Variants in MYCBPAP observed in about 807,000 individuals in gnomAD.
MYCBPAP encodes the protein MYCBP-associated protein.
Under a neutral mutation model 106.1 loss-of-function variants are expected in MYCBPAP, and 60 were observed. The ratio of observed to expected loss-of-function variants is 0.57; its 90% confidence interval spans 0.46 to 0.70. MYCBPAP has a LOEUF of 0.70. Among genes scored for constraint, MYCBPAP ranks in the 30% least tolerant of loss-of-function variants. The probability of loss-of-function intolerance (pLI) is 0.00; values close to 1 mark genes in which losing one functional copy is unlikely to be tolerated. For missense variants in MYCBPAP, 1,064 were observed against 1,169.3 expected (o/e 0.91, Z 1.31); for synonymous variants, 407 against 440.6 (o/e 0.92, Z 0.95).
At chr17:50,528,391 T>C (rs1310846370) in intron 16 of MYCBPAP, 121 bp downstream of exon 16, 1 of 924,066 alleles carries the variant, frequency 1.1e-6, no homozygotes, top group Non-Finnish European at 1.7e-6. Flanking sequence ...GTTGAGCCCA[T>C]GGAGTAGGCC....
chr17:50,515,259 A>G (rs2034007362), intron 1 of MYCBPAP, among the ~76,000 whole-genome samples: 1 of 143,426 alleles, frequency 7.0e-6, no homozygotes, highest in South Asian at 2.2e-4. Context: ...CCCCCCCACC[A>G]TGTTCCTGTA....
Position 50,516,179 on chromosome 17 carries a change from G to A in MYCBPAP, c.77-391G>A, listed in dbSNP as rs188324038. The A allele has an allele frequency of 7.8e-4, 125 of 159,582 alleles. 1 individual carries two copies. The highest frequency in any genetic ancestry group is 2.7e-3 in the African/African-American group (111 of 41,470). 9.9% of individuals were successfully genotyped at this position (159,582 alleles called of 1,614,324 possible). ...TAATTTTTGTATTTTTAGTAGGGAC[G>A]GGGTTTCACCATGTTGGCCAGGTTG... On this transcript the variant is annotated intron_variant, in intron 1 of 18. Coordinates refer to ENST00000323776, the MANE Select transcript of MYCBPAP (RefSeq NM_032133.6).
At chr17:50,522,709 A>AAAAAAAAAAAAAAAAAAAAATAT in intron 10 of MYCBPAP, 1 of 50,016 alleles carries the variant, frequency 2.0e-5, no homozygotes, top group Admixed American at 2.0e-4. Flanking sequence ...AAAAAAAAAA[A>AAAAAAAAAAAAAAAAAAAAATAT]ATATATATAT....
At chr17:50,528,384 G>A in intron 16 of MYCBPAP, 114 bp downstream of exon 16, 1 of 967,760 alleles carries the variant, frequency 1.0e-6, no homozygotes. Context: ...CTGCTAGGTT[G>A]AGCCCATGGA....
In MYCBPAP at chr17:50,516,697, G is replaced by A; in HGVS notation, c.204G>A (p.Glu68=). The change falls in exon 2 of 19, where the codon GAG becomes GAA. Residue 68 remains glutamate (E), a splice_region_variant and synonymous_variant. Coordinates refer to ENST00000323776, the MANE Select transcript of MYCBPAP (RefSeq NM_032133.6). ...ALAIKKEDLK[E]QHIPRLTEKE... ...CCATTAAGAAGGAAGACTTGAAGGA[G>A]GTGAGGATGAAGCCCAAGCTTCCCT... 6.2e-7 allele frequency: 1 copy of A among 1,613,820 alleles called. No homozygotes were observed. Among genetic ancestry groups the A allele is most frequent in the Non-Finnish European group, 8.5e-7 (1 of 1,179,872 alleles).
At chr17:50,514,950 G>A (rs1007807916) in intron 1 of MYCBPAP, 6 of 446,410 alleles carry the variant, frequency 1.3e-5, no homozygotes, top group African/African-American at 6.0e-5. Flanking sequence ...TGCCCATGGG[G>A]TAAGCCTTCA....
At chr17:50,514,802 C>A in intron 1 of MYCBPAP, 1 of 323,048 alleles carries the variant, frequency 3.1e-6, no homozygotes, top group South Asian at 2.4e-5. Context: ...GGACTACAGG[C>A]ATGTACTACC....
chr17:50,522,078 C>G lies in MYCBPAP; in HGVS notation c.1254C>G (p.Asp418Glu), dbSNP rs76097120. Residue 418 changes from aspartate (D) to glutamate (E), a missense_variant, in exon 10 of 19, where the codon GAC becomes GAG. Physicochemically the swap from Asp to Glu is conservative, Grantham distance 45 (BLOSUM62 2). Coordinates refer to ENST00000323776, the MANE Select transcript of MYCBPAP (RefSeq NM_032133.6). ...GGATCAGAGGCAGTAATCCACAGGACAAGGTAAAACAGCCTCCACCACACC... is the reference window on the plus strand; with the variant it reads ...GGATCAGAGGCAGTAATCCACAGGAGAAGGTAAAACAGCCTCCACCACACC... ...ACWIRGSNPQ[D>E]KRQVGIAAHL... 3.1e-6 allele frequency: 5 copies of G among 1,613,380 alleles called. No individual in the cohort carries two copies. The highest frequency in any genetic ancestry group is 3.4e-6 in the Non-Finnish European group (4 of 1,179,520).
intron 14 of MYCBPAP, among the ~76,000 whole-genome samples, chr17:50,527,017 G>A (rs189697215): frequency 3.9e-5 from 6 of 152,348 alleles, no homozygotes; most frequent in Admixed American, 2.0e-4. Context: ...GCCCAGCTGG[G>A]TTACCTGTTT....
intron 7 of MYCBPAP, 177 bp downstream of exon 7, chr17:50,519,964 T>C: frequency 1.6e-6 from 1 of 625,678 alleles, no homozygotes. Flanking sequence ...CTCTTCTTTT[T>C]CTTCAGTAAA....
chr17:50,524,737 T>TGTGTGTGTGTGTGTGTGA (rs373928628), intron 12 of MYCBPAP, 140 bp from the exon 13 acceptor site: 10,726 of 459,312 alleles, frequency 0.023, 124 homozygotes, highest in Non-Finnish European at 0.028. Context: ...TGTGTGTGTG[T>TGTGTGTGTGTGTGTGTGA]GAGAGAGAGA....
intron 1 of MYCBPAP, chr17:50,509,195 G>A (rs1319668622): frequency 1.4e-6 from 1 of 701,194 alleles, no homozygotes; most frequent in Non-Finnish European, 2.6e-6. Flanking sequence ...TTTGGTAGAG[G>A]AGGGTCGGGG....
In MYCBPAP at chr17:50,523,746, AC is replaced by A; in HGVS notation, c.1600del (p.Gln534ArgfsTer15). ...LQVNLHAVSL[T>X]QDVFEDERKV... ...GGTCAATCTCCACGCGGTCTCCCTG[AC>A]CCAGGACGTTTTTGAGGATGAGAGG... On this transcript the variant is annotated frameshift_variant, in exon 12 of 19. Coordinates refer to ENST00000323776, the MANE Select transcript of MYCBPAP (RefSeq NM_032133.6). LOFTEE classifies it high-confidence loss of function. 6.2e-7 allele frequency: 1 copy of A among 1,614,072 alleles called. No individual in the cohort carries two copies. Among genetic ancestry groups the A allele is most frequent in the Non-Finnish European group, 8.5e-7 (1 of 1,179,974 alleles).
At chr17:50,519,933 G>A (rs1265439962) in intron 7 of MYCBPAP, 146 bp downstream of exon 7, 7 of 853,648 alleles carry the variant, frequency 8.2e-6, no homozygotes, top group Non-Finnish European at 1.2e-5. Context: ...AAGTCCCAGA[G>A]TCTTCCTGAA....
upstream of MYCBPAP, among the ~76,000 whole-genome samples, chr17:50,508,062 C>A (rs1357747201): frequency 1.3e-5 from 2 of 152,106 alleles, no homozygotes; most frequent in African/African-American, 4.8e-5. Flanking sequence ...CGCGTTGGTG[C>A]GAGTTGGGGA....
In MYCBPAP at chr17:50,518,716, C is replaced by T. The variant is rs2034145710; in HGVS notation, c.644C>T (p.Ala215Val). The change falls in exon 5 of 19, where the codon GCC (alanine) becomes GTC (valine). Residue 215 changes from alanine (A) to valine (V), a missense_variant. Physicochemically the swap from Ala to Val is moderately conservative, Grantham distance 64. Coordinates refer to ENST00000323776, the MANE Select transcript of MYCBPAP (RefSeq NM_032133.6). ...NTALRKKQQEALSEHLKKPVS... is the reference protein window; with the variant it reads ...NTALRKKQQEVLSEHLKKPVS... Reference sequence around the variant, plus strand: ...GCCCTGCGGAAGAAGCAGCAGGAAGCCCTCAGCGGTGAGCAGAGCAGACAG... The same window carrying T: ...GCCCTGCGGAAGAAGCAGCAGGAAGTCCTCAGCGGTGAGCAGAGCAGACAG... 4.4e-6 allele frequency: 7 copies of T among 1,582,660 alleles called. No homozygotes were observed. In the East Asian group the frequency reaches 8.9e-5, roughly 20 times the overall value.
At position 50,525,924 on chromosome 17, in the gene MYCBPAP, G is replaced by T; in HGVS notation, c.1826G>T (p.Trp609Leu). The T allele has an allele frequency of 1.2e-6, 2 of 1,612,982 alleles. No homozygotes were observed. Among genetic ancestry groups the T allele is most frequent in the Non-Finnish European group, 1.7e-6 (2 of 1,179,888 alleles). Reference sequence around the variant, plus strand: ...GTGGTGCAAAGCCTGCACCAACTGTGGCGCCAGTACATGACCCTGCCCGCC... The same window carrying T: ...GTGGTGCAAAGCCTGCACCAACTGTTGCGCCAGTACATGACCCTGCCCGCC... ...HQVVQSLHQL[W>L]RQYMTLPAKA... The change falls in exon 14 of 19, where the codon TGG (tryptophan) becomes TTG (leucine). Residue 609 changes from tryptophan to leucine, a missense_variant. Physicochemically the swap from Trp to Leu is moderately conservative, Grantham distance 61. Coordinates refer to ENST00000323776, the MANE Select transcript of MYCBPAP (RefSeq NM_032133.6).
intron 1 of MYCBPAP, among the ~76,000 whole-genome samples, chr17:50,511,801 C>T (rs1169869317): frequency 1.3e-5 from 2 of 152,192 alleles, no homozygotes; most frequent in Non-Finnish European, 2.9e-5. Context: ...CATACCTCAG[C>T]CCTGTGGAGT....
At chr17:50,521,275 G>A (rs370201071) in intron 8 of MYCBPAP, 41 bp from the exon 9 acceptor site, 4 of 1,594,098 alleles carry the variant, frequency 2.5e-6, no homozygotes, top group East Asian at 2.3e-5. Context: ...GGCGATGCCT[G>A]TCTTCAGTCA....
Sources: gnomAD v4.1 joint callset for allele counts (sites outside exome capture counted in the v4.1 genomes callset) on GRCh38, gnomAD v4.1.1 for gene constraint, MANE v1.5 for transcripts, NCBI Gene and HGNC (gene_info 2026-07-23, HGNC 2026-07-21) for gene names.